Variants in CFAP91 observed in about 807,000 individuals in gnomAD.
CFAP91 encodes the protein cilia and flagella associated protein 91.
A neutral mutation model predicts 95.9 loss-of-function variants in CFAP91; 85 were observed. The ratio of observed to expected loss-of-function variants is 0.89; its 90% CI spans 0.74 to 1.06. CFAP91 has a LOEUF of 1.06. Ranked by LOEUF, CFAP91 falls within the 50% of genes least tolerant of loss-of-function variation. The pLI, the probability that CFAP91 is intolerant of heterozygous loss-of-function variation, is 0.00. For missense variants in CFAP91, 962 were observed against 943.4 expected (o/e 1.02, Z -0.26); for synonymous variants, 335 against 327.5 (o/e 1.02, Z -0.25).
rs759106595 is a variant in CFAP91 at position 119,755,997 on chromosome 3, TTTCACTAC to T, written c.*1+4901_*1+4908del. Among the ~76,000 whole-genome samples, 59 of 152,090 alleles carry T rather than the reference TTTCACTAC, an allele frequency of 3.9e-4. 1 individual carries two copies. The South Asian group carries it at 0.012, about 30-fold the overall frequency. ...AGGCATGGACCACTGATTGAAGAAATTTCACTACTAAAGGAAGGAATAATATGTTGGGA... is the reference window on the plus strand; with the variant it reads ...AGGCATGGACCACTGATTGAAGAAATTAAAGGAAGGAATAATATGTTGGGA... On this transcript the variant is annotated intron_variant, in intron 17 of 17. Transcript: ENST00000273390.
chr3:119,708,920 G>C (rs1336603301), intron 4 of CFAP91, among the ~76,000 whole-genome samples: 1 of 152,162 alleles, frequency 6.6e-6, no homozygotes, highest in Non-Finnish European at 1.5e-5. Context: ...ATATAAGCTA[G>C]CAAGGGGTAG....
At chr3:119,707,753 T>C (rs2053397530) in intron 3 of CFAP91, among the ~76,000 whole-genome samples, 192 bp downstream of exon 3, 1 of 114,292 alleles carries the variant, frequency 8.7e-6, no homozygotes, top group Non-Finnish European at 1.8e-5. Flanking sequence ...ATATATAATT[T>C]TGTCATATAT....
Position 119,731,858 on chromosome 3 carries a change from G to A in CFAP91, c.1019-436G>A, listed in dbSNP as rs535098039. Among the ~76,000 whole-genome samples the A allele has an allele frequency of 7.2e-5, 11 of 152,262 alleles. No individual in the cohort carries two copies. The South Asian group carries it at 2.1e-3, about 29-fold the overall frequency. ...AAAGCTGTAAGCTGAGACAGTCTTT[G>A]GTTTATTTTGGTGTTAACCAAGATG... On this transcript the variant is annotated intron_variant, in intron 8 of 17. Transcript: ENST00000273390.
At position 119,726,288 on chromosome 3, in the gene CFAP91, GGAA is replaced by G; in HGVS notation, c.801_803del (p.Lys268del). On this transcript the variant is annotated inframe_deletion, in exon 7 of 18. Transcript: ENST00000273390. ...GACACCTCCCAGTTTGAGAAGAGGAGGAAAATGATGAATGAAATGGAGAGGAAG... is the reference window on the plus strand; with the variant it reads ...GACACCTCCCAGTTTGAGAAGAGGAGAATGATGAATGAAATGGAGAGGAAG... 6.2e-7 allele frequency: 1 copy of G among 1,613,858 alleles called. No homozygotes were observed. Among genetic ancestry groups the G allele is most frequent in the South Asian group, 1.1e-5 (1 of 91,032 alleles).
intron 7 of CFAP91, among the ~76,000 whole-genome samples, chr3:119,728,816 C>A (rs2053836575): frequency 6.6e-6 from 1 of 152,180 alleles, no homozygotes; most frequent in South Asian, 2.1e-4. Context: ...GGCTTCCCCA[C>A]CTGTTCCCTC....
At chr3:119,717,228 C>A (rs1325889580) in intron 6 of CFAP91, among the ~76,000 whole-genome samples, 2 of 152,188 alleles carry the variant, frequency 1.3e-5, no homozygotes, top group Admixed American at 6.5e-5. Context: ...AGATTATAGA[C>A]AGAGCAGAGT....
intron 10 of CFAP91, among the ~76,000 whole-genome samples, chr3:119,735,947 A>G (rs1577226294): frequency 6.7e-6 from 1 of 149,694 alleles, no homozygotes; most frequent in Non-Finnish European, 1.5e-5. Flanking sequence ...GATCTATAAC[A>G]TTTTTCTCCT....
rs560249316 is a variant in CFAP91, at chr3:119,714,060, T to C, written c.501-1502T>C. On this transcript the variant is annotated intron_variant, in intron 5 of 17. Transcript: ENST00000273390. ...CCAGTTATTTCCTAGAATAAATTCC[T>C]AGGAGTAGAAATGCTGGAGCAGCCG... Among the ~76,000 whole-genome samples the C allele has an allele frequency of 2.0e-5, 3 of 152,258 alleles. No individual in the cohort carries two copies. In the South Asian group the frequency reaches 6.2e-4, roughly 32 times the overall value.
At chr3:119,710,811 AC>A (rs1309388140) in intron 5 of CFAP91, among the ~76,000 whole-genome samples, 1 of 152,238 alleles carries the variant, frequency 6.6e-6, no homozygotes, top group Non-Finnish European at 1.5e-5. Context: ...AACGGAGTGA[AC>A]CAAGGTAAGA....
chr3:119,708,759 A>G lies in CFAP91; in HGVS notation c.443+85A>G, dbSNP rs1344898087. The G allele has an allele frequency of 1.3e-5, 11 of 820,436 alleles. No homozygotes were observed. In the East Asian group the frequency reaches 2.8e-4, roughly 21 times the overall value. The allele number at this position is 820,436 out of a possible 1,614,324, so 50.8% of individuals were successfully genotyped here. A position where few individuals can be genotyped will look rare whatever the true frequency, so the allele number is the denominator to read the frequency against. On this transcript the variant is annotated intron_variant, in intron 4 of 17. Transcript: ENST00000273390. Reference sequence around the variant, plus strand: ...ATAATAATAATAGTTATCATTTTTCAGTGCATACAACGTGCCAGACTCTAT... The same window carrying G: ...ATAATAATAATAGTTATCATTTTTCGGTGCATACAACGTGCCAGACTCTAT...
chr3:119,746,834 T>C (rs2054228905), intron 14 of CFAP91, among the ~76,000 whole-genome samples: 2 of 152,192 alleles, frequency 1.3e-5, no homozygotes, highest in Admixed American at 6.5e-5. Context: ...TTATTGACTC[T>C]GAAGCCCATA....
Position 119,747,201 on chromosome 3 carries a change from C to T in CFAP91, c.1989C>T (p.Ala663=). Residue 663 remains alanine (A), a synonymous_variant, in exon 15 of 18, where the codon GCC becomes GCT. Transcript: ENST00000273390. ...AAGCGAATACTGCAGAAGAACAAGC[C>T]AGGGCAGAAATAGAGAAGATGGCTG... ...NTEANTAEEQ[A]RAEIEKMAEK... The T allele has an allele frequency of 6.2e-7, 1 of 1,613,614 alleles. No homozygotes were observed. The highest frequency in any genetic ancestry group is 1.6e-4 in the Middle Eastern group (1 of 6,062).
chr3:119,705,639 AC>A (rs1304047517), intron 1 of CFAP91, among the ~76,000 whole-genome samples: 2 of 152,142 alleles, frequency 1.3e-5, no homozygotes, highest in African/African-American at 4.8e-5. Flanking sequence ...TAAAATTGCA[AC>A]CCAATCTTCC....
chr3:119,743,911 T>C, intron 13 of CFAP91, 64 bp from the exon 14 acceptor site: 2 of 1,401,292 alleles, frequency 1.4e-6, no homozygotes, highest in Non-Finnish European at 1.9e-6. Context: ...AATCCAGCAC[T>C]TCTTCTAATA....
At chr3:119,739,389 A>G (rs765877380) in intron 12 of CFAP91, 63 bp downstream of exon 12, 17 of 1,461,050 alleles carry the variant, frequency 1.2e-5, no homozygotes, top group Admixed American at 3.3e-5. Context: ...TAGAATGCAT[A>G]TGTGCTTGGT....
chr3:119,758,474 T>G (rs1317533404), intron 17 of CFAP91, among the ~76,000 whole-genome samples: 1 of 152,170 alleles, frequency 6.6e-6, no homozygotes, highest in African/African-American at 2.4e-5. Flanking sequence ...TTTCTGAGCC[T>G]AAACTACTTT....
chr3:119,707,854 T>C (rs1425232134), intron 3 of CFAP91, among the ~76,000 whole-genome samples: 1 of 151,806 alleles, frequency 6.6e-6, no homozygotes, highest in East Asian at 1.9e-4. Context: ...GTTCTGCTAG[T>C]ATCTAAAATA....
intron 10 of CFAP91, among the ~76,000 whole-genome samples, chr3:119,734,779 C>T (rs1294865806): frequency 6.6e-6 from 1 of 152,146 alleles, no homozygotes; most frequent in African/African-American, 2.4e-5. Context: ...TATAATTACG[C>T]AGGTCTCCTG....
At chr3:119,719,167 A>G (rs1302706712) in intron 6 of CFAP91, among the ~76,000 whole-genome samples, 2 of 152,230 alleles carry the variant, frequency 1.3e-5, no homozygotes, top group East Asian at 1.9e-4. Flanking sequence ...AATTGCGTAT[A>G]TAATGCTGAA....
Sources: gnomAD v4.1 joint callset for allele counts (sites outside exome capture counted in the v4.1 genomes callset) on GRCh38, gnomAD v4.1.1 for gene constraint, MANE v1.5 for transcripts, NCBI Gene and HGNC (gene_info 2026-07-23, HGNC 2026-07-21) for gene names.